The following NDUFAF2 variants were observed in gnomAD, a reference collection of about 807,000 sequenced individuals.
The protein encoded by NDUFAF2 is NADH dehydrogenase [ubiquinone] 1 alpha subcomplex assembly factor 2.
In NDUFAF2, 13 loss-of-function variants were observed where a neutral mutation model predicts 22.8. The ratio of observed to expected loss-of-function variants is 0.57; its 90% CI spans 0.37 to 0.91. The LOEUF (loss-of-function observed/expected upper bound fraction) is 0.91. Ranked by LOEUF, NDUFAF2 falls within the 40% of genes least tolerant of loss-of-function variation. The pLI is 0.01. For missense variants in NDUFAF2, 162 were observed against 195.2 expected (o/e 0.83, Z 1.01); for synonymous variants, 53 against 64.2 (o/e 0.83, Z 0.84).
chr5:61,003,460 TA>T (rs1462389139), intron 1 of NDUFAF2, among the ~76,000 whole-genome samples: 2 of 151,962 alleles, frequency 1.3e-5, no homozygotes, highest in Non-Finnish European at 2.9e-5. Context: ...GTACGCTGAA[TA>T]AAACAAGGTA....
chr5:60,959,157 GTC>G (rs1351442147), intron 1 of NDUFAF2, among the ~76,000 whole-genome samples: 1 of 152,044 alleles, frequency 6.6e-6, no homozygotes, highest in African/African-American at 2.4e-5. Context: ...TATAAGTCAA[GTC>G]TCTTGTTTTT....
intron 1 of NDUFAF2, among the ~76,000 whole-genome samples, chr5:60,976,550 T>G (rs1750905591): frequency 6.6e-6 from 1 of 152,218 alleles, no homozygotes; most frequent in South Asian, 2.1e-4. Flanking sequence ...TTTGTCTCAT[T>G]TCTTTTCTTG....
At chr5:61,145,409 A>G (rs1340727643) in intron 3 of NDUFAF2, among the ~76,000 whole-genome samples, 2 of 152,246 alleles carry the variant, frequency 1.3e-5, no homozygotes, top group Non-Finnish European at 2.9e-5. Flanking sequence ...ATGATAATTT[A>G]TATTAAATTT....
chr5:61,005,756 T>C (rs1483845035), intron 1 of NDUFAF2, among the ~76,000 whole-genome samples: 1 of 152,218 alleles, frequency 6.6e-6, no homozygotes. Context: ...GAAGTGTCTG[T>C]TCATATCGTT....
At chr5:61,076,633 T>G (rs141733641) in intron 2 of NDUFAF2, among the ~76,000 whole-genome samples, 34 of 152,344 alleles carry the variant, frequency 2.2e-4, no homozygotes, top group Middle Eastern at 3.4e-3. Flanking sequence ...GTAGGCCATT[T>G]TAAAGACTCT....
chr5:61,033,092 G>A (rs1751749501), intron 1 of NDUFAF2, among the ~76,000 whole-genome samples: 1 of 152,130 alleles, frequency 6.6e-6, no homozygotes, highest in East Asian at 1.9e-4. Flanking sequence ...GTAGTAGTTT[G>A]TAGTTCTCCT....
At chr5:61,096,419 T>C (rs983455687) in intron 2 of NDUFAF2, among the ~76,000 whole-genome samples, 1 of 151,634 alleles carries the variant, frequency 6.6e-6, no homozygotes, top group Non-Finnish European at 1.5e-5. Flanking sequence ...GCCAACACGG[T>C]GAAACCCCGT....
chr5:61,117,962 C>T lies in NDUFAF2; in HGVS notation c.258+18930C>T, dbSNP rs1752933016. ...GATCAATGGTTTTCAAATTGGGATG[C>T]CTATACCACTGGATACACAAAGACT... On this transcript the variant is annotated intron_variant, in intron 3 of 3. Coordinates refer to ENST00000296597, the MANE Select transcript of NDUFAF2 (RefSeq NM_174889.5). Among the ~76,000 whole-genome samples, 3 of 152,036 alleles carry T rather than the reference C, an allele frequency of 2.0e-5. No homozygotes were observed. The South Asian group carries it at 6.2e-4, about 32-fold the overall frequency.
intron 1 of NDUFAF2, among the ~76,000 whole-genome samples, chr5:60,956,308 T>C (rs1310087575): frequency 6.6e-6 from 1 of 152,160 alleles, no homozygotes; most frequent in Non-Finnish European, 1.5e-5. Flanking sequence ...GGTCATCATC[T>C]GTGGCTTCTT....
Position 61,073,244 on chromosome 5 carries a change from G to A in NDUFAF2, c.217+30G>A, listed in dbSNP as rs772241771. 4.1e-6 allele frequency: 6 copies of A among 1,467,678 alleles called. No individual in the cohort carries two copies. In the South Asian group the frequency reaches 6.8e-5, roughly 17 times the overall value. 90.9% of individuals were successfully genotyped at this position (1,467,678 alleles called of 1,614,324 possible). A position where few individuals can be genotyped will look rare whatever the true frequency, so the allele number is the denominator to read the frequency against. The stretch of plus-strand genomic sequence containing the variant: ...GTTTCTGCTTTTAGTAGAATCTCAT[G>A]GGAGGTAAGTTATATAACAGTATAC... On this transcript the variant is annotated intron_variant, in intron 2 of 3. Coordinates refer to ENST00000296597, the MANE Select transcript of NDUFAF2 (RefSeq NM_174889.5).
At chr5:61,082,284 A>T (rs1483646091) in intron 2 of NDUFAF2, among the ~76,000 whole-genome samples, 1 of 152,116 alleles carries the variant, frequency 6.6e-6, no homozygotes, top group Non-Finnish European at 1.5e-5. Flanking sequence ...TTTTTTAGAG[A>T]TGGGGATCTT....
chr5:60,945,465 A>C, intron 1 of NDUFAF2, 83 bp downstream of exon 1: 1 of 1,581,670 alleles, frequency 6.3e-7, no homozygotes, highest in Non-Finnish European at 8.7e-7. Context: ...CCCCTAGTCA[A>C]CTAACGCATC....
intron 1 of NDUFAF2, among the ~76,000 whole-genome samples, chr5:61,039,670 A>C (rs1300430337): frequency 1.3e-5 from 2 of 152,166 alleles, no homozygotes; most frequent in African/African-American, 4.8e-5. Flanking sequence ...TCAGGTGGTG[A>C]GATAGCCAGT....
chr5:60,972,773 GTT>G (rs35076688), intron 1 of NDUFAF2, among the ~76,000 whole-genome samples: 1 of 103,920 alleles, frequency 9.6e-6, no homozygotes, highest in Non-Finnish European at 1.9e-5. Context: ...TGTGTATTCT[GTT>G]TTTTTTTTTT....
intron 3 of NDUFAF2, 136 bp downstream of exon 3, chr5:61,099,168 A>G (rs1239265890): frequency 5.8e-6 from 2 of 344,542 alleles, no homozygotes; most frequent in Admixed American, 9.3e-5. Context: ...ACATTTTATA[A>G]TAAATTAATA....
chr5:60,983,563 G>A (rs1183685318), intron 1 of NDUFAF2, among the ~76,000 whole-genome samples: 1 of 149,836 alleles, frequency 6.7e-6, no homozygotes, highest in Non-Finnish European at 1.5e-5. Flanking sequence ...AATCCATCTT[G>A]AATTAATTTT....
chr5:61,011,001 A>T (rs943152733), intron 1 of NDUFAF2, among the ~76,000 whole-genome samples: 1 of 152,126 alleles, frequency 6.6e-6, no homozygotes, highest in Admixed American at 6.6e-5. Context: ...AGGACAGCAG[A>T]GTAGCCAGAT....
At chr5:61,125,350 A>G (rs1753024647) in intron 3 of NDUFAF2, among the ~76,000 whole-genome samples, 1 of 151,962 alleles carries the variant, frequency 6.6e-6, no homozygotes, top group South Asian at 2.1e-4. Flanking sequence ...ATCATGGCAA[A>G]GAAATTGAAA....
intron 3 of NDUFAF2, among the ~76,000 whole-genome samples, chr5:61,099,299 ACT>A (rs1421746447): frequency 5.9e-5 from 9 of 151,514 alleles, no homozygotes; most frequent in African/African-American, 1.9e-4. Context: ...AAATTAAAAC[ACT>A]CTGTAGAAAG....
Sources: allele counts gnomAD v4.1 joint callset (sites outside exome capture counted in the v4.1 genomes callset), GRCh38; gene constraint gnomAD v4.1.1; transcripts MANE v1.5; gene names NCBI Gene and HGNC (gene_info 2026-07-23, HGNC 2026-07-21).